FAN1: variants seen among roughly 807,000 people sequenced by gnomAD.
FAN1 encodes the protein fanconi-associated nuclease 1.
A neutral mutation model predicts 104.9 loss-of-function variants in FAN1; 91 were observed. The observed-to-expected ratio is 0.87, with a 90% CI of 0.73 to 1.03. FAN1 has a LOEUF of 1.03. Among genes scored for constraint, FAN1 ranks in the 50% least tolerant of loss-of-function variants. The pLI, the probability that FAN1 is intolerant of heterozygous loss-of-function variation, is 0.00. For missense variants in FAN1, 1,263 were observed against 1,239.9 expected, an observed-to-expected ratio of 1.02 and a Z score of -0.28; for synonymous variants, 478 against 457.6, an observed-to-expected ratio of 1.04 and a Z score of -0.57.
Position 30,943,105 on chromosome 15 carries a change from T to C in FAN1, c.*1543T>C. ...ATAAATAAATAAATATTTGCAAAACTAAAGATTCTCTCATGAATGCCTTTT... is the reference window on the plus strand; with the variant it reads ...ATAAATAAATAAATATTTGCAAAACCAAAGATTCTCTCATGAATGCCTTTT... On this transcript the variant is annotated 3_prime_UTR_variant, in exon 15 of 15. Coordinates refer to ENST00000362065, the MANE Select transcript of FAN1 (RefSeq NM_014967.5). 6.6e-7 allele frequency: 1 copy of C among 1,525,102 alleles called. No individual in the cohort carries two copies. Among genetic ancestry groups the C allele is most frequent in the Non-Finnish European group, 8.8e-7 (1 of 1,135,678 alleles). 94.5% of individuals were successfully genotyped at this position (1,525,102 alleles called of 1,614,324 possible). A position where few individuals can be genotyped will look rare whatever the true frequency, so the allele number is the denominator to read the frequency against.
intron 1 of FAN1, among the ~76,000 whole-genome samples, chr15:30,904,236 G>C (rs1368847408): frequency 6.6e-6 from 1 of 152,182 alleles, no homozygotes; most frequent in Admixed American, 6.5e-5. Flanking sequence ...GTCTTGTAAA[G>C]GGTCTGAAGT....
In FAN1 at chr15:30,942,410, A is replaced by C. The variant is rs141744212; in HGVS notation, c.*848A>C. ...TCAAGAACAATGGCAAACTGAACAG[A>C]GGCAGTCAGGAGGCCAAATGTCTGA... On this transcript the variant is annotated 3_prime_UTR_variant, in exon 15 of 15. Transcript: ENST00000362065. 1.8e-3 allele frequency: 625 copies of C among 343,100 alleles called. 1 individual carries two copies. The highest frequency in any genetic ancestry group is 0.011 in the African/African-American group (518 of 47,934). The allele number at this position is 343,100 out of a possible 1,614,324, so 21.3% of individuals were successfully genotyped here.
chr15:30,940,933 TCTAAGGTTCCAA>T lies in FAN1; in HGVS notation c.*4-632_*4-621del, dbSNP rs2063024566. 4.6e-6 allele frequency: 5 copies of T among 1,084,542 alleles called. No individual in the cohort carries two copies. In the East Asian group the frequency reaches 4.1e-4, roughly 88 times the overall value. The allele number at this position is 1,084,542 out of a possible 1,614,324, so 67.2% of individuals were successfully genotyped here. On this transcript the variant is annotated intron_variant, in intron 14 of 14. Transcript: ENST00000362065. ...AACTCATGATTTCAAAACACAGTGA[TCTAAGGTTCCAA>T]AGAAGGTGATCTAAAATCATAAATT...
chr15:30,938,669 T>C (rs2062937602), intron 14 of FAN1, among the ~76,000 whole-genome samples: 1 of 152,176 alleles, frequency 6.6e-6, no homozygotes, highest in Non-Finnish European at 1.5e-5. Context: ...CTTGACTTCT[T>C]TGAAGCCTTC....
intron 8 of FAN1, among the ~76,000 whole-genome samples, chr15:30,924,783 C>T (rs1402701734): frequency 6.6e-6 from 1 of 152,068 alleles, no homozygotes; most frequent in Non-Finnish European, 1.5e-5. Context: ...TACAAAGCTG[C>T]CTAGGTGATG....
At chr15:30,931,213 T>C (rs142128352) in intron 13 of FAN1, among the ~76,000 whole-genome samples, 1 of 152,240 alleles carries the variant, frequency 6.6e-6, no homozygotes, top group Non-Finnish European at 1.5e-5. Flanking sequence ...AAAAAATTTT[T>C]TAAAAAGCTC....
chr15:30,904,420 A>C, intron 1 of FAN1, 92 bp from the exon 2 acceptor site: 1 of 587,346 alleles, frequency 1.7e-6, no homozygotes, highest in Non-Finnish European at 3.0e-6. Flanking sequence ...TCCTCGTTAC[A>C]GGAGACCTTG....
chr15:30,910,440 A>G (rs1293438807), intron 3 of FAN1, among the ~76,000 whole-genome samples, 174 bp from the exon 4 acceptor site: 1 of 152,248 alleles, frequency 6.6e-6, no homozygotes, highest in Non-Finnish European at 1.5e-5. Context: ...AGATATAATA[A>G]TAGTGTTATT....
chr15:30,933,669 G>A (rs2062773247), intron 13 of FAN1, among the ~76,000 whole-genome samples: 1 of 152,034 alleles, frequency 6.6e-6, no homozygotes, highest in Admixed American at 6.5e-5. Flanking sequence ...AGTTGTCTGT[G>A]TCCTTACTGA....
In FAN1 at chr15:30,904,514, A is replaced by G; in HGVS notation, c.-150A>G. On this transcript the variant is annotated splice_region_variant and 5_prime_UTR_variant, in exon 2 of 15. Coordinates refer to ENST00000362065, the MANE Select transcript of FAN1 (RefSeq NM_014967.5). The stretch of plus-strand genomic sequence containing the variant: ...TTTATATGTGTTTCTTCTTGTAGGA[A>G]GAAGAAATTGTCGAGACGAATAACA... 1.3e-6 allele frequency: 1 copy of G among 799,780 alleles called. No homozygotes were observed. The highest frequency in any genetic ancestry group is 2.2e-6 in the Non-Finnish European group (1 of 463,086). The allele number at this position is 799,780 out of a possible 1,614,324, so 49.5% of individuals were successfully genotyped here. A position where few individuals can be genotyped will look rare whatever the true frequency, so the allele number is the denominator to read the frequency against.
At chr15:30,939,603 G>T in intron 14 of FAN1, 1 of 928,466 alleles carries the variant, frequency 1.1e-6, no homozygotes, top group Non-Finnish European at 1.3e-6. Context: ...ATTATTAATA[G>T]TACCTAATAT....
At chr15:30,923,534 G>A (rs2062386203) in intron 8 of FAN1, among the ~76,000 whole-genome samples, 1 of 152,132 alleles carries the variant, frequency 6.6e-6, no homozygotes, top group Non-Finnish European at 1.5e-5. Context: ...TATTTCATTA[G>A]TGTTCTTTGA....
At chr15:30,922,017 A>C (rs942274778) in intron 7 of FAN1, among the ~76,000 whole-genome samples, 1 of 152,230 alleles carries the variant, frequency 6.6e-6, no homozygotes, top group Non-Finnish European at 1.5e-5. Context: ...GCCAGCTGGC[A>C]GGGACCGGGT....
intron 14 of FAN1, among the ~76,000 whole-genome samples, chr15:30,937,656 T>A (rs1489362480): frequency 6.6e-6 from 1 of 151,670 alleles, no homozygotes; most frequent in East Asian, 2.0e-4. Flanking sequence ...TTCACCATGT[T>A]GGTTGGCCAG....
chr15:30,929,716 A>G (rs1469576997), intron 12 of FAN1, among the ~76,000 whole-genome samples: 1 of 92,670 alleles, frequency 1.1e-5, no homozygotes, highest in East Asian at 2.7e-4. Context: ...ATCATATATA[A>G]TATATATAAA....
chr15:30,909,502 G>C (rs187319957), intron 3 of FAN1, among the ~76,000 whole-genome samples: 1 of 152,316 alleles, frequency 6.6e-6, no homozygotes, highest in East Asian at 1.9e-4. Flanking sequence ...TGCAGCTTCC[G>C]TAAATTCATA....
At chr15:30,937,482 C>T (rs563739369) in intron 14 of FAN1, among the ~76,000 whole-genome samples, 14 of 137,452 alleles carry the variant, frequency 1.0e-4, no homozygotes, top group South Asian at 2.4e-4. Context: ...GACAGAGTCT[C>T]GCTCTGTCAC....
Position 30,905,101 on chromosome 15 carries a change from T to G in FAN1, c.438T>G (p.Ser146Arg). 6.2e-7 allele frequency: 1 copy of G among 1,614,014 alleles called. No homozygotes were observed. Among genetic ancestry groups the G allele is most frequent in the Non-Finnish European group, 8.5e-7 (1 of 1,179,980 alleles). Residue 146 changes from serine (S) to arginine (R), a missense_variant, in exon 2 of 15, where the codon AGT (serine) becomes AGG (arginine). This residue lies in a region of FAN1 where 682 missense variants were observed against 571.1 expected (regional missense o/e 1.19). Transcript: ENST00000362065. ...CKNQDELRNR[S>R]VKVICLGSLA... is the part of the protein sequence containing the mutation. The stretch of plus-strand genomic sequence containing the variant: ...ATCAAGATGAGCTGAGAAATCGTAG[T>G]GTGAAAGTCATTTGTTTGGGAAGCC...
In FAN1 at chr15:30,904,811, A is replaced by T. The variant is rs749998047; in HGVS notation, c.148A>T (p.Met50Leu). 1 of 1,613,628 alleles carries T rather than the reference A, an allele frequency of 6.2e-7. No homozygotes were observed. Among genetic ancestry groups the T allele is most frequent in the African/African-American group, 1.3e-5 (1 of 75,046 alleles). ...ACTTGCCTGCCCCGTTTGCAGTAAA[A>T]TGGTGCCTAGATATGACTTAAACCG... ...AKLACPVCSK[M>L]VPRYDLNRHL... The change falls in exon 2 of 15, where the codon ATG becomes TTG. Residue 50 changes from methionine (M) to leucine (L), a missense_variant. Met to Leu is a conservative substitution (Grantham distance 15). Coordinates refer to ENST00000362065, the MANE Select transcript of FAN1 (RefSeq NM_014967.5).
Sources: gnomAD v4.1 joint callset for allele counts (sites outside exome capture counted in the v4.1 genomes callset) on GRCh38, gnomAD v4.1.1 for gene constraint, gnomAD v4.1.1 regional missense constraint, MANE v1.5 for transcripts, NCBI Gene and HGNC (gene_info 2026-07-23, HGNC 2026-07-21) for gene names.